Variants in LHFPL6 observed in about 807,000 individuals in gnomAD.
LHFPL6 encodes LHFPL tetraspan subfamily member 6, also known as LHFPL tetraspan subfamily member 6 protein.
LHFPL6 carries 9 observed loss-of-function variants against 20.6 expected under a neutral mutation model. The ratio of observed to expected loss-of-function variants is 0.44; its 90% CI spans 0.26 to 0.76. The LOEUF is 0.76. Among genes scored for constraint, LHFPL6 ranks in the 30% least tolerant of loss-of-function variants. LHFPL6 has a pLI of 0.20. For missense variants in LHFPL6, 218 were observed against 253.5 expected (o/e 0.86, Z 0.95); for synonymous variants, 105 against 98.7 (o/e 1.06, Z -0.38).
At chr13:39,423,222 A>T (rs1401747493) in intron 2 of LHFPL6, among the ~76,000 whole-genome samples, 1 of 152,224 alleles carries the variant, frequency 6.6e-6, no homozygotes, top group Admixed American at 6.5e-5. Context: ...GACATTACAC[A>T]AAGATTTACT....
At chr13:39,558,826 C>T (rs892657965) in intron 2 of LHFPL6, among the ~76,000 whole-genome samples, 4 of 152,206 alleles carry the variant, frequency 2.6e-5, no homozygotes, top group African/African-American at 4.8e-5. Context: ...TAATGCTTTC[C>T]AATCTTTAAA....
At chr13:39,435,507 C>G (rs1312297897) in intron 2 of LHFPL6, among the ~76,000 whole-genome samples, 1 of 152,062 alleles carries the variant, frequency 6.6e-6, no homozygotes, top group African/African-American at 2.4e-5. Context: ...TAAAATGTAT[C>G]AACATTTAGA....
Position 39,547,695 on chromosome 13 carries a change from T to A in LHFPL6, c.385+53137A>T, listed in dbSNP as rs552148066. ...GAAGGGCTCAGCCAATTTTAAATCA[T>A]ACACTTTTTACAAATCAAAGACCAT... On this transcript the variant is annotated intron_variant, in intron 2 of 3. Coordinates refer to ENST00000379589, the MANE Select transcript of LHFPL6 (RefSeq NM_005780.3). Among the ~76,000 whole-genome samples, 71 of 152,192 alleles carry A rather than the reference T, an allele frequency of 4.7e-4. 2 individuals are homozygous for A. The South Asian group carries it at 0.015, about 32-fold the overall frequency.
At chr13:39,425,270 C>T (rs568929470) in intron 2 of LHFPL6, among the ~76,000 whole-genome samples, 2 of 152,314 alleles carry the variant, frequency 1.3e-5, no homozygotes, top group African/African-American at 4.8e-5. Context: ...TTTATTGTAA[C>T]AGTCCATTGC....
At chr13:39,431,722 G>GT in intron 2 of LHFPL6, among the ~76,000 whole-genome samples, 1 of 147,692 alleles carries the variant, frequency 6.8e-6, no homozygotes, top group Non-Finnish European at 1.5e-5. Context: ...ATTTGTGGGG[G>GT]GGGGGGGCTT....
chr13:39,485,686 A>G (rs1290772695), intron 2 of LHFPL6, among the ~76,000 whole-genome samples: 1 of 152,232 alleles, frequency 6.6e-6, no homozygotes, highest in South Asian at 2.1e-4. Flanking sequence ...GAAAATAAGT[A>G]CATTTTCAGG....
intron 2 of LHFPL6, among the ~76,000 whole-genome samples, chr13:39,539,314 TA>T (rs201493957): frequency 8.4e-4 from 122 of 145,976 alleles, no homozygotes; most frequent in African/African-American, 1.2e-3. Context: ...GATTTTATTT[TA>T]AAAAAAAAAA....
intron 2 of LHFPL6, among the ~76,000 whole-genome samples, chr13:39,569,507 C>A (rs1384693594): frequency 1.3e-5 from 2 of 152,008 alleles, no homozygotes; most frequent in South Asian, 2.1e-4. Flanking sequence ...GTATTATTAA[C>A]CAGATGTCCT....
intron 2 of LHFPL6, among the ~76,000 whole-genome samples, chr13:39,577,796 G>A (rs1336874969): frequency 1.3e-5 from 2 of 151,622 alleles, no homozygotes; most frequent in Non-Finnish European, 1.5e-5. Context: ...ACCATATCCA[G>A]CTAATTTCTG....
chr13:39,498,921 C>T (rs989116590), intron 2 of LHFPL6, among the ~76,000 whole-genome samples: 3 of 152,022 alleles, frequency 2.0e-5, no homozygotes, highest in Non-Finnish European at 2.9e-5. Context: ...AGTGCAGTGA[C>T]GCGATCTCAG....
At chr13:39,346,010 C>T (rs1377937930) in intron 3 of LHFPL6, among the ~76,000 whole-genome samples, 3 of 152,178 alleles carry the variant, frequency 2.0e-5, no homozygotes, top group Non-Finnish European at 2.9e-5. Flanking sequence ...ACCTGCTCAC[C>T]GCGGAACACA....
At position 39,397,251 on chromosome 13, in the gene LHFPL6, T is replaced by C. The variant is rs894480329; in HGVS notation, c.386-18725A>G. Among the ~76,000 whole-genome samples the C allele has an allele frequency of 3.3e-5, 5 of 152,194 alleles. No individual in the cohort carries two copies. In the South Asian group the frequency reaches 6.2e-4, roughly 19 times the overall value. On this transcript the variant is annotated intron_variant, in intron 2 of 3. Transcript: ENST00000379589. ...AAGAAAATGGCCCCAAGAAGAGACA[T>C]AGATAGAGGCTCTGGTTTCTCCAAG...
At chr13:39,469,342 C>A (rs1179556741) in intron 2 of LHFPL6, among the ~76,000 whole-genome samples, 2 of 152,220 alleles carry the variant, frequency 1.3e-5, no homozygotes, top group Non-Finnish European at 2.9e-5. Flanking sequence ...CATCGGCAAA[C>A]TGCCCACCAC....
At position 39,469,840 on chromosome 13, in the gene LHFPL6, G is replaced by A. The variant is rs1872900130; in HGVS notation, c.386-91314C>T. ...ACAAAAAATGAAAATGCAATATGCTGTCTCTTTCTATAAGGCTATTACAAC... is the reference window on the plus strand; with the variant it reads ...ACAAAAAATGAAAATGCAATATGCTATCTCTTTCTATAAGGCTATTACAAC... On this transcript the variant is annotated intron_variant, in intron 2 of 3. Transcript: ENST00000379589. 1.3e-5 allele frequency among the ~76,000 whole-genome samples: 2 copies of A among 152,182 alleles called. 1 individual carries two copies. The highest frequency in any genetic ancestry group is 4.1e-4 in the South Asian group (2 of 4,836).
Position 39,352,991 on chromosome 13 carries a change from T to A in LHFPL6, c.485-8937A>T, listed in dbSNP as rs1281732938. Among the ~76,000 whole-genome samples the A allele has an allele frequency of 2.9e-3, 270 of 93,616 alleles. 30 individuals carry two copies. Among genetic ancestry groups the A allele is most frequent in the African/African-American group, 0.013 (252 of 19,656 alleles). The allele number at this position is 93,616 out of a possible 152,430, so 61.4% of individuals were successfully genotyped here. A position where few individuals can be genotyped will look rare whatever the true frequency, so the allele number is the denominator to read the frequency against. On this transcript the variant is annotated intron_variant, in intron 3 of 3. Transcript: ENST00000379589. ...CACACACATATATATATATATATAA[T>A]TTTTTTTTTTTTTTTGAGACAGAGT...
chr13:39,513,948 G>A (rs577121476), intron 2 of LHFPL6, among the ~76,000 whole-genome samples: 1 of 152,032 alleles, frequency 6.6e-6, no homozygotes, highest in Non-Finnish European at 1.5e-5. Context: ...AAAAATTGAT[G>A]AGCCCATCCT....
intron 2 of LHFPL6, among the ~76,000 whole-genome samples, chr13:39,436,570 C>T (rs7331570): frequency 0.19 from 29,372 of 152,078 alleles, 2,988 homozygotes; most frequent in East Asian, 0.34. Context: ...GCCCCTGTCC[C>T]GTCAAGAGTT....
At chr13:39,507,350 C>A (rs1054985915) in intron 2 of LHFPL6, among the ~76,000 whole-genome samples, 1 of 152,082 alleles carries the variant, frequency 6.6e-6, no homozygotes, top group Admixed American at 6.6e-5. Flanking sequence ...AGAGGTCTAG[C>A]AAGTTTGGGG....
chr13:39,519,906 T>A (rs985828265), intron 2 of LHFPL6, among the ~76,000 whole-genome samples: 9 of 152,186 alleles, frequency 5.9e-5, no homozygotes, highest in African/African-American at 2.2e-4. Flanking sequence ...AGCCACTGTT[T>A]GCAGACATAT....
Sources: allele counts gnomAD v4.1 joint callset (sites outside exome capture counted in the v4.1 genomes callset), GRCh38; gene constraint gnomAD v4.1.1; transcripts MANE v1.5; gene names NCBI Gene and HGNC (gene_info 2026-07-23, HGNC 2026-07-21).